Variants in GPC6 observed in about 807,000 individuals in gnomAD.
GPC6 encodes the protein glypican-6.
In GPC6, 14 loss-of-function variants were observed where a neutral mutation model predicts 55.2. The ratio of observed to expected loss-of-function variants is 0.25; its 90% CI spans 0.17 to 0.40. The LOEUF is 0.40. Among genes scored for constraint, GPC6 ranks in the 10% least tolerant of loss-of-function variants. The pLI is 1.00. For synonymous variants in GPC6, 278 were observed against 259.6 expected (o/e 1.07, Z -0.68); for missense variants, 641 against 708.5 (o/e 0.90, Z 1.08).
At chr13:93,349,245 C>T in intron 1 of GPC6, among the ~76,000 whole-genome samples, 1 of 141,558 alleles carries the variant, frequency 7.1e-6, no homozygotes, top group East Asian at 2.8e-4. Flanking sequence ...TTTGTAGTCT[C>T]CCAGAACATG....
At chr13:93,228,841 C>T (rs1297648550) in intron 1 of GPC6, among the ~76,000 whole-genome samples, 5 of 152,142 alleles carry the variant, frequency 3.3e-5, no homozygotes, top group African/African-American at 9.7e-5. Flanking sequence ...TATCTTAGAA[C>T]ATCACAGTTT....
chr13:93,411,358 C>T (rs1275726390), intron 1 of GPC6, among the ~76,000 whole-genome samples: 1 of 152,158 alleles, frequency 6.6e-6, no homozygotes, highest in Non-Finnish European at 1.5e-5. Flanking sequence ...TCCATTTATT[C>T]CCAGCAACCA....
Position 94,114,740 on chromosome 13 carries a change from C to T in GPC6, c.877+86846C>T, listed in dbSNP as rs554968343. Among the ~76,000 whole-genome samples the T allele has an allele frequency of 9.9e-5, 15 of 152,082 alleles. No homozygotes were observed. The South Asian group carries it at 3.1e-3, about 32-fold the overall frequency. ...ACAACCAAGGTGAAAAAGATAAGAC[C>T]AAGAACCAAAATAATCAGAAGAGAA... is the stretch of plus-strand genomic sequence containing the variant. On this transcript the variant is annotated intron_variant, in intron 4 of 8. Coordinates refer to ENST00000377047, the MANE Select transcript of GPC6 (RefSeq NM_005708.5).
chr13:93,377,440 T>C (rs1461164463), intron 1 of GPC6, among the ~76,000 whole-genome samples: 1 of 152,214 alleles, frequency 6.6e-6, no homozygotes. Context: ...TCTCAGAGTT[T>C]ACAACTTGCT....
At chr13:93,345,223 C>A (rs1383364891) in intron 1 of GPC6, among the ~76,000 whole-genome samples, 1 of 151,900 alleles carries the variant, frequency 6.6e-6, no homozygotes, top group Admixed American at 6.6e-5. Flanking sequence ...TTTAGAAAAG[C>A]CCTTTAGTCT....
At chr13:94,235,284 C>T (rs149927855) in intron 4 of GPC6, among the ~76,000 whole-genome samples, 11 of 152,148 alleles carry the variant, frequency 7.2e-5, no homozygotes, top group Middle Eastern at 3.4e-3. Context: ...GAACCAAGGA[C>T]GGAATTTTTT....
At chr13:94,196,928 C>G (rs1420051431) in intron 4 of GPC6, among the ~76,000 whole-genome samples, 2 of 152,104 alleles carry the variant, frequency 1.3e-5, no homozygotes, top group African/African-American at 4.8e-5. Flanking sequence ...TGGATTTAGT[C>G]AGATGCATGG....
intron 1 of GPC6, among the ~76,000 whole-genome samples, chr13:93,314,988 C>A (rs9524012): frequency 6.6e-6 from 1 of 151,594 alleles, no homozygotes; most frequent in Non-Finnish European, 1.5e-5. Context: ...AGAGAGGGAA[C>A]AGTTTGAAAG....
chr13:94,326,201 TTG>T (rs979339693), intron 6 of GPC6, among the ~76,000 whole-genome samples: 1 of 99,778 alleles, frequency 1.0e-5, no homozygotes, highest in African/African-American at 4.3e-5. Context: ...TTTGGTATGC[TTG>T]TGCACACACA....
intron 1 of GPC6, among the ~76,000 whole-genome samples, chr13:93,325,996 T>A (rs1185654327): frequency 6.6e-6 from 1 of 152,078 alleles, no homozygotes; most frequent in Non-Finnish European, 1.5e-5. Flanking sequence ...AGTAACATAG[T>A]CGTGGTTTGT....
chr13:93,347,874 A>G (rs1880483487), intron 1 of GPC6, among the ~76,000 whole-genome samples: 1 of 152,164 alleles, frequency 6.6e-6, no homozygotes, highest in African/African-American at 2.4e-5. Flanking sequence ...ATGAAACATG[A>G]GTCATCCTGA....
intron 2 of GPC6, among the ~76,000 whole-genome samples, chr13:93,626,191 T>A (rs1313444464): frequency 6.6e-6 from 1 of 152,062 alleles, no homozygotes; most frequent in African/African-American, 2.4e-5. Flanking sequence ...TACACACACA[T>A]CCTAAAGCAG....
At chr13:93,833,976 T>G (rs930403126) in intron 3 of GPC6, among the ~76,000 whole-genome samples, 1 of 152,122 alleles carries the variant, frequency 6.6e-6, no homozygotes. Flanking sequence ...TCATTTTCTG[T>G]GTGAATGACC....
At chr13:93,569,371 C>T (rs1262687934) in intron 2 of GPC6, among the ~76,000 whole-genome samples, 1 of 152,134 alleles carries the variant, frequency 6.6e-6, no homozygotes, top group Non-Finnish European at 1.5e-5. Flanking sequence ...TTAGTTTACA[C>T]ACTTGTCACT....
At chr13:93,789,475 T>G (rs1885922513) in intron 2 of GPC6, among the ~76,000 whole-genome samples, 1 of 131,018 alleles carries the variant, frequency 7.6e-6, no homozygotes, top group African/African-American at 3.0e-5. Flanking sequence ...CTTAAATATG[T>G]GAGTGAACTC....
intron 1 of GPC6, among the ~76,000 whole-genome samples, chr13:93,234,965 G>A (rs1876185843): frequency 6.6e-6 from 1 of 151,948 alleles, no homozygotes; most frequent in Non-Finnish European, 1.5e-5. Context: ...CATGTAATCA[G>A]CTACAATTCA....
Position 94,150,596 on chromosome 13 carries a change from C to T in GPC6, c.877+122702C>T, listed in dbSNP as rs910319638. Among the ~76,000 whole-genome samples, 58 of 151,808 alleles carry T rather than the reference C, an allele frequency of 3.8e-4. 1 individual carries two copies. Among genetic ancestry groups the T allele is most frequent in the Non-Finnish European group, 7.4e-5 (5 of 67,980 alleles). ...CTCTCCACCTGCAACATTTTTCTTT[C>T]TCTGCTCTCTGTCCTCTTTCTTTTT... On this transcript the variant is annotated intron_variant, in intron 4 of 8. Transcript: ENST00000377047.
At chr13:93,901,379 C>CT (rs1213993278) in intron 3 of GPC6, among the ~76,000 whole-genome samples, 8 of 150,850 alleles carry the variant, frequency 5.3e-5, no homozygotes, top group African/African-American at 1.5e-4. Flanking sequence ...CACCTCACTA[C>CT]TTTTTTTTGT....
chr13:93,628,844 T>C (rs1054943624), intron 2 of GPC6, among the ~76,000 whole-genome samples: 1 of 152,124 alleles, frequency 6.6e-6, no homozygotes, highest in African/African-American at 2.4e-5. Context: ...CAGTTTTTAC[T>C]AAAAAGTATG....
Sources: gnomAD v4.1 joint callset for allele counts (sites outside exome capture counted in the v4.1 genomes callset) on GRCh38, gnomAD v4.1.1 for gene constraint, MANE v1.5 for transcripts, NCBI Gene and HGNC (gene_info 2026-07-23, HGNC 2026-07-21) for gene names.